The following CDKL2 variants were observed in gnomAD, a reference collection of about 807,000 sequenced individuals.
CDKL2 encodes cyclin-dependent kinase-like 2.
CDKL2 carries 64 observed loss-of-function variants against 63.9 expected under a neutral mutation model. That is an observed-to-expected ratio of 1.00 (90% CI 0.82 to 1.23). CDKL2 has a LOEUF of 1.23. Ranked by LOEUF, CDKL2 falls within the 50% of genes most tolerant of loss-of-function variation. The probability of loss-of-function intolerance (pLI) is 0.00; values close to 1 mark genes in which losing one functional copy is unlikely to be tolerated. For missense variants in CDKL2, 656 were observed against 668.0 expected, an observed-to-expected ratio of 0.98 and a Z score of 0.20; for synonymous variants, 211 against 229.2, an observed-to-expected ratio of 0.92 and a Z score of 0.72.
intron 10 of CDKL2, among the ~76,000 whole-genome samples, chr4:75,595,672 C>T (rs1728882144): frequency 6.6e-6 from 1 of 152,114 alleles, no homozygotes; most frequent in South Asian, 2.1e-4. Flanking sequence ...TGGCTCACAC[C>T]TGTAATCCCA....
intron 4 of CDKL2, among the ~76,000 whole-genome samples, chr4:75,606,841 T>C (rs527412519): frequency 6.6e-6 from 1 of 152,336 alleles, no homozygotes; most frequent in South Asian, 2.1e-4. Context: ...TACTTAATTA[T>C]ATTTCTGCCT....
At chr4:75,619,151 G>T (rs1386338579) in intron 2 of CDKL2, among the ~76,000 whole-genome samples, 1 of 152,164 alleles carries the variant, frequency 6.6e-6, no homozygotes, top group Non-Finnish European at 1.5e-5. Context: ...TAGTGTGCTT[G>T]TATCAGACAG....
At chr4:75,595,050 T>C (rs1294035219) in intron 10 of CDKL2, among the ~76,000 whole-genome samples, 2 of 152,166 alleles carry the variant, frequency 1.3e-5, no homozygotes, top group Admixed American at 1.3e-4. Flanking sequence ...TCCTGTGCTC[T>C]GTCTAAATAC....
rs77042892 is a variant in CDKL2 at position 75,596,680 on chromosome 4, T to C, written c.1322+255A>G. ...AGTATGACAACCTGCTTTCACATTA[T>C]TAGACTATATAGCTGTAGATTCTCT... On this transcript the variant is annotated intron_variant, in intron 9 of 13. Coordinates refer to ENST00000307465, the MANE Select transcript of CDKL2 (RefSeq NM_001330724.2). 4.4e-3 allele frequency among the ~76,000 whole-genome samples: 673 copies of C among 152,364 alleles called. 3 individuals carry two copies. The highest frequency in any genetic ancestry group is 0.015 in the African/African-American group (641 of 41,584).
chr4:75,608,878 C>T (rs964100889), intron 3 of CDKL2, among the ~76,000 whole-genome samples: 2 of 151,780 alleles, frequency 1.3e-5, no homozygotes, highest in Non-Finnish European at 2.9e-5. Flanking sequence ...CTTGTAATCC[C>T]AGCTACTTGA....
At chr4:75,595,338 G>A (rs1728869269) in intron 10 of CDKL2, among the ~76,000 whole-genome samples, 1 of 151,544 alleles carries the variant, frequency 6.6e-6, no homozygotes, top group Non-Finnish European at 1.5e-5. Flanking sequence ...AGCCTCCCAA[G>A]TAGCTAGGAC....
chr4:75,589,175 TAGAA>T (rs1231079582), intron 12 of CDKL2, among the ~76,000 whole-genome samples: 1 of 152,094 alleles, frequency 6.6e-6, no homozygotes, highest in African/African-American at 2.4e-5. Context: ...TCACACCTAT[TAGAA>T]AGGCTAAAAT....
At chr4:75,594,074 A>C (rs928305417) in intron 10 of CDKL2, among the ~76,000 whole-genome samples, 1 of 152,226 alleles carries the variant, frequency 6.6e-6, no homozygotes, top group African/African-American at 2.4e-5. Flanking sequence ...CTAAGGTGTG[A>C]ATAAATGTAT....
chr4:75,609,061 T>G (rs1224518716), intron 3 of CDKL2, among the ~76,000 whole-genome samples: 1 of 152,044 alleles, frequency 6.6e-6, no homozygotes, highest in Non-Finnish European at 1.5e-5. Context: ...TTGTAGATAT[T>G]TTGTTTGAAC....
Position 75,614,243 on chromosome 4 carries a change from C to A in CDKL2, c.363+12G>T, listed in dbSNP as rs1239999313. 5 of 1,530,324 alleles carry A rather than the reference C, an allele frequency of 3.3e-6. No individual in the cohort carries two copies. The highest frequency in any genetic ancestry group is 3.6e-6 in the Non-Finnish European group (4 of 1,116,590). The allele number at this position is 1,530,324 out of a possible 1,614,324, so 94.8% of individuals were successfully genotyped here. A position where few individuals can be genotyped will look rare whatever the true frequency, so the allele number is the denominator to read the frequency against. On this transcript the variant is annotated intron_variant, in intron 3 of 13. Transcript: ENST00000307465. ...TATGTGATAAAGCAAATTATTTAAA[C>A]CCAATACTTACATTGTGACTGTGAC...
intron 12 of CDKL2, among the ~76,000 whole-genome samples, chr4:75,589,354 G>C (rs964353180): frequency 7.0e-6 from 1 of 143,552 alleles, no homozygotes; most frequent in Non-Finnish European, 1.5e-5. Context: ...GCCCAGGCTG[G>C]AGTGCAGTGG....
At chr4:75,606,358 G>A (rs1729427040) in intron 4 of CDKL2, among the ~76,000 whole-genome samples, 1 of 152,046 alleles carries the variant, frequency 6.6e-6, no homozygotes, top group Non-Finnish European at 1.5e-5. Context: ...GGGATTACAG[G>A]TGCATGCCAC....
intron 12 of CDKL2, among the ~76,000 whole-genome samples, chr4:75,585,670 C>T (rs1312472962): frequency 6.6e-6 from 1 of 152,026 alleles, no homozygotes; most frequent in African/African-American, 2.4e-5. Flanking sequence ...CCTGTAATCC[C>T]AGCACTTTGG....
chr4:75,626,535 C>CT, intron 1 of CDKL2, among the ~76,000 whole-genome samples: 1 of 152,056 alleles, frequency 6.6e-6, no homozygotes, highest in Non-Finnish European at 1.5e-5. Flanking sequence ...GACTTGGTGG[C>CT]AGGCGCCTGT....
intron 11 of CDKL2, 99 bp from the exon 12 acceptor site, chr4:75,592,024 T>C (rs1007876114): frequency 7.8e-7 from 1 of 1,276,056 alleles, no homozygotes; most frequent in Non-Finnish European, 1.1e-6. Flanking sequence ...GTACTTATTA[T>C]AACAGGTATT....
chr4:75,625,259 T>C (rs550716914), intron 2 of CDKL2, among the ~76,000 whole-genome samples: 107 of 152,140 alleles, frequency 7.0e-4, no homozygotes, highest in Non-Finnish European at 1.0e-3. Flanking sequence ...ACTCAGAACA[T>C]AGGGCAGTTG....
At chr4:75,588,290 T>A (rs1728564267) in intron 12 of CDKL2, among the ~76,000 whole-genome samples, 1 of 151,906 alleles carries the variant, frequency 6.6e-6, no homozygotes, top group South Asian at 2.1e-4. Flanking sequence ...ACCAGTGAAT[T>A]CCATTAATAT....
intron 4 of CDKL2, among the ~76,000 whole-genome samples, chr4:75,606,914 CCT>C (rs779573851): frequency 1.3e-5 from 2 of 152,176 alleles, no homozygotes; most frequent in Non-Finnish European, 2.9e-5. Flanking sequence ...TCAATGTTCA[CCT>C]CTCTTTACAA....
intron 12 of CDKL2, among the ~76,000 whole-genome samples, chr4:75,588,430 G>A (rs1341011006): frequency 1.3e-5 from 2 of 151,776 alleles, no homozygotes; most frequent in Non-Finnish European, 2.9e-5. Flanking sequence ...TTTAAAAAAG[G>A]GAAATCATAG....
Sources: allele counts gnomAD v4.1 joint callset (sites outside exome capture counted in the v4.1 genomes callset), GRCh38; gene constraint gnomAD v4.1.1; transcripts MANE v1.5; gene names NCBI Gene and HGNC (gene_info 2026-07-23, HGNC 2026-07-21).